Variants in CACNA2D3 observed in about 807,000 individuals in gnomAD.
CACNA2D3 encodes the protein voltage-dependent calcium channel subunit alpha-2/delta-3.
Under a neutral mutation model 160.6 loss-of-function variants are expected in CACNA2D3, and 60 were observed. The ratio of observed to expected loss-of-function variants is 0.37; its 90% CI spans 0.30 to 0.46. The LOEUF is 0.46. Among genes scored for constraint, CACNA2D3 ranks in the 20% least tolerant of loss-of-function variants. The probability of loss-of-function intolerance (pLI) is 1.00; values close to 1 mark genes in which losing one functional copy is unlikely to be tolerated. For synonymous variants in CACNA2D3, 558 were observed against 492.9 expected, an observed-to-expected ratio of 1.13 and a Z score of -1.75; for missense variants, 1,205 against 1,365.0, an observed-to-expected ratio of 0.88 and a Z score of 1.85.
Position 54,341,511 on chromosome 3 carries a change from G to T in CACNA2D3, c.321+20953G>T, listed in dbSNP as rs182192366. ...CGTTTCCTCTGACCTGAAGGGGTCA[G>T]GAAGGTTGGTTCACCCTGGCATCTG... On this transcript the variant is annotated intron_variant, in intron 3 of 37. Coordinates refer to ENST00000474759, the MANE Select transcript of CACNA2D3 (RefSeq NM_018398.3). Among the ~76,000 whole-genome samples the T allele has an allele frequency of 3.6e-3, 552 of 152,342 alleles. 7 individuals are homozygous for T. Among genetic ancestry groups the T allele is most frequent in the Non-Finnish European group, 4.4e-3 (299 of 68,032 alleles).
At chr3:54,978,663 C>T (rs1702444024) in intron 29 of CACNA2D3, among the ~76,000 whole-genome samples, 1 of 152,210 alleles carries the variant, frequency 6.6e-6, no homozygotes, top group African/African-American at 2.4e-5. Context: ...AACTGGGCAA[C>T]TATTGGAACC....
At chr3:54,662,968 A>G (rs775597378) in intron 11 of CACNA2D3, among the ~76,000 whole-genome samples, 8 of 152,188 alleles carry the variant, frequency 5.3e-5, no homozygotes, top group Non-Finnish European at 1.2e-4. Context: ...GCTCCTTCTC[A>G]GTTTTGTGAC....
At position 54,762,857 on chromosome 3, in the gene CACNA2D3, C is replaced by T. The variant is rs543247337; in HGVS notation, c.1247-1361C>T. On this transcript the variant is annotated intron_variant, in intron 12 of 37. Coordinates refer to ENST00000474759, the MANE Select transcript of CACNA2D3 (RefSeq NM_018398.3). ...CTGTAATCCCAGCACTTTGGGAGGC[C>T]GAGGCAGGCGGATCACGAGGTCAGG... is the stretch of plus-strand genomic sequence containing the variant. 2.5e-4 allele frequency among the ~76,000 whole-genome samples: 38 copies of T among 151,962 alleles called. No individual in the cohort carries two copies. In the South Asian group the frequency reaches 3.5e-3, roughly 14 times the overall value.
rs58291013 is a variant in CACNA2D3, at chr3:54,829,885, C to CTTTTTTTTTTT, written c.1399-7257_1399-7247dup. Among the ~76,000 whole-genome samples the CTTTTTTTTTTT allele has an allele frequency of 1.9e-4, 12 of 64,306 alleles. 2 individuals are homozygous for CTTTTTTTTTTT. Among genetic ancestry groups the CTTTTTTTTTTT allele is most frequent in the African/African-American group, 2.5e-4 (4 of 15,816 alleles). 42.2% of individuals were successfully genotyped at this position (64,306 alleles called of 152,430 possible). ...CATATCTTTTCTTCTTCTTCTTCAT[C>CTTTTTTTTTTT]TTTTTTTTTTTTTTTTTTTTTTTTT... On this transcript the variant is annotated intron_variant, in intron 14 of 37. Transcript: ENST00000474759.
At chr3:54,324,091 T>C (rs1704070407) in intron 3 of CACNA2D3, among the ~76,000 whole-genome samples, 1 of 152,204 alleles carries the variant, frequency 6.6e-6, no homozygotes, top group African/African-American at 2.4e-5. Flanking sequence ...TCTGTGAAAC[T>C]AGGTTCAGTT....
At chr3:54,861,424 C>A (rs147068038) in intron 17 of CACNA2D3, among the ~76,000 whole-genome samples, 1 of 151,964 alleles carries the variant, frequency 6.6e-6, no homozygotes, top group African/African-American at 2.4e-5. Context: ...CAGGGAGTGG[C>A]GAGAAAGAGG....
intron 35 of CACNA2D3, among the ~76,000 whole-genome samples, chr3:55,068,541 T>C (rs1043965591): frequency 6.6e-6 from 1 of 152,228 alleles, no homozygotes; most frequent in Non-Finnish European, 1.5e-5. Flanking sequence ...TCTCATTTAT[T>C]TTTCTTGTTT....
chr3:54,825,828 A>G (rs1326661680), intron 14 of CACNA2D3, among the ~76,000 whole-genome samples: 2 of 152,242 alleles, frequency 1.3e-5, no homozygotes, highest in East Asian at 1.9e-4. Flanking sequence ...TGAAGTCTAT[A>G]TCAAATCAAT....
chr3:54,653,516 T>G (rs372373068), intron 11 of CACNA2D3, among the ~76,000 whole-genome samples: 1 of 152,342 alleles, frequency 6.6e-6, no homozygotes, highest in South Asian at 2.1e-4. Flanking sequence ...GTCAACAGCA[T>G]GACAGGAAAA....
intron 5 of CACNA2D3, among the ~76,000 whole-genome samples, chr3:54,532,312 C>G (rs1701818210): frequency 6.6e-6 from 1 of 152,152 alleles, no homozygotes; most frequent in African/African-American, 2.4e-5. Flanking sequence ...AGATTTAGGG[C>G]TGTGCAGCAT....
intron 2 of CACNA2D3, among the ~76,000 whole-genome samples, chr3:54,227,805 T>G (rs1701701839): frequency 6.6e-6 from 1 of 152,110 alleles, no homozygotes; most frequent in Non-Finnish European, 1.5e-5. Context: ...CTCCTCGGCC[T>G]CCCAAAGTGC....
intron 2 of CACNA2D3, among the ~76,000 whole-genome samples, chr3:54,295,428 G>A (rs569618360): frequency 6.5e-5 from 6 of 92,388 alleles, no homozygotes; most frequent in Admixed American, 2.0e-4. Context: ...TCCTGAAGAC[G>A]TGCCCAAGGT....
intron 11 of CACNA2D3, among the ~76,000 whole-genome samples, chr3:54,702,615 A>T (rs558378948): frequency 6.6e-6 from 1 of 152,320 alleles, no homozygotes; most frequent in African/African-American, 2.4e-5. Flanking sequence ...GTTGCAGAGG[A>T]AAAGGGAGTG....
At chr3:54,236,729 A>G (rs1242689136) in intron 2 of CACNA2D3, among the ~76,000 whole-genome samples, 1 of 152,202 alleles carries the variant, frequency 6.6e-6, no homozygotes, top group African/African-American at 2.4e-5. Flanking sequence ...GGGCCAAACT[A>G]AACAGGCCAC....
chr3:54,413,712 A>T (rs1222043500), intron 4 of CACNA2D3, among the ~76,000 whole-genome samples: 2 of 150,790 alleles, frequency 1.3e-5, no homozygotes, highest in Non-Finnish European at 3.0e-5. Context: ...TTTATTTCAT[A>T]TATTGTATTT....
chr3:55,044,783 T>C (rs1704040083), intron 35 of CACNA2D3, among the ~76,000 whole-genome samples: 1 of 152,152 alleles, frequency 6.6e-6, no homozygotes, highest in Non-Finnish European at 1.5e-5. Context: ...TTAAGGGAGT[T>C]CCTTCTGTTC....
intron 11 of CACNA2D3, among the ~76,000 whole-genome samples, chr3:54,674,405 AAAC>A (rs557842732): frequency 6.6e-6 from 1 of 152,178 alleles, no homozygotes; most frequent in South Asian, 2.1e-4. Flanking sequence ...TTGAGGAGAG[AAAC>A]AGGTATAATT....
intron 29 of CACNA2D3, among the ~76,000 whole-genome samples, chr3:54,983,753 G>T (rs1056229287): frequency 6.6e-6 from 1 of 152,192 alleles, no homozygotes; most frequent in Non-Finnish European, 1.5e-5. Flanking sequence ...GGAGCTAGGC[G>T]GAATTTAGCT....
intron 2 of CACNA2D3, among the ~76,000 whole-genome samples, chr3:54,128,068 A>G (rs1400832006): frequency 6.6e-6 from 1 of 152,214 alleles, no homozygotes; most frequent in African/African-American, 2.4e-5. Flanking sequence ...AAATGAAAAT[A>G]TAGGCATGGT....
Sources: gnomAD v4.1 joint callset for allele counts (sites outside exome capture counted in the v4.1 genomes callset) on GRCh38, gnomAD v4.1.1 for gene constraint, MANE v1.5 for transcripts, NCBI Gene and HGNC (gene_info 2026-07-23, HGNC 2026-07-21) for gene names.